ALK: variants seen among roughly 807,000 people sequenced by gnomAD.
ALK encodes the protein ALK tyrosine kinase receptor.
Under a neutral mutation model 163.1 loss-of-function variants are expected in ALK, and 74 were observed. The ratio of observed to expected loss-of-function variants is 0.45; its 90% confidence interval spans 0.38 to 0.55. The LOEUF is 0.55. Among genes scored for constraint, ALK ranks in the 20% least tolerant of loss-of-function variants. ALK has a pLI of 0.00. For missense variants in ALK, 2,063 were observed against 2,105.3 expected (o/e 0.98, Z 0.39); for synonymous variants, 960 against 843.2 (o/e 1.14, Z -2.40).
intron 4 of ALK, among the ~76,000 whole-genome samples, chr2:29,436,142 A>C (rs909350279): frequency 6.6e-6 from 1 of 152,176 alleles, no homozygotes; most frequent in Non-Finnish European, 1.5e-5. Context: ...AAATGAGCTA[A>C]CCAATAAAGG....
At chr2:29,551,930 T>A (rs187927478) in intron 3 of ALK, among the ~76,000 whole-genome samples, 61 of 152,330 alleles carry the variant, frequency 4.0e-4, no homozygotes, top group African/African-American at 1.4e-3. Context: ...ACATTCCCAA[T>A]GTTGTGCAAC....
intron 3 of ALK, among the ~76,000 whole-genome samples, chr2:29,554,947 G>A (rs1290455574): frequency 6.6e-6 from 1 of 152,154 alleles, no homozygotes; most frequent in South Asian, 2.1e-4. Context: ...CAAATGCCAG[G>A]GCAACATCAG....
rs1558626279 is a variant in ALK, at chr2:29,227,105, G to A, written c.2915-31C>T. 13 of 1,613,856 alleles carry A rather than the reference G, an allele frequency of 8.1e-6. No homozygotes were observed. The highest frequency in any genetic ancestry group is 4.4e-5 in the South Asian group (4 of 91,058). On this transcript the variant is annotated intron_variant, in intron 17 of 28. Transcript: ENST00000389048. This position sits in a 1 kb window ranked among gnomAD's most constrained non-coding sequence, Gnocchi z 4.4. ...GACAAGGAGGGAGGGTCAGTCTTGG[G>A]CCGAGCCTGCCTCCCCACTCCCAGC...
At chr2:29,504,047 G>T (rs1204633451) in intron 4 of ALK, among the ~76,000 whole-genome samples, 1 of 152,026 alleles carries the variant, frequency 6.6e-6, no homozygotes, top group African/African-American at 2.4e-5. Context: ...ATTACCAGTT[G>T]TTGGTGGTGC....
intron 9 of ALK, among the ~76,000 whole-genome samples, chr2:29,290,630 C>A (rs1472811238): frequency 6.6e-6 from 1 of 152,198 alleles, no homozygotes; most frequent in East Asian, 1.9e-4. Context: ...TCCTGTTGAT[C>A]CTTACAGCAG....
chr2:29,339,174 C>A (rs556109603), intron 5 of ALK, among the ~76,000 whole-genome samples: 1 of 151,138 alleles, frequency 6.6e-6, no homozygotes, highest in Non-Finnish European at 1.5e-5. Context: ...ACCCAGGAGG[C>A]GGAGGTTGCA....
chr2:29,622,921 G>A (rs1002302904), intron 3 of ALK, among the ~76,000 whole-genome samples: 3 of 152,080 alleles, frequency 2.0e-5, no homozygotes, highest in Non-Finnish European at 4.4e-5. Context: ...TGTTCATTTG[G>A]TTTCCAGTTT....
intron 5 of ALK, among the ~76,000 whole-genome samples, chr2:29,373,090 A>G (rs923697734): frequency 6.6e-6 from 1 of 152,188 alleles, no homozygotes; most frequent in Non-Finnish European, 1.5e-5. Context: ...CATCCGTCTC[A>G]TTAATAACTG....
chr2:29,445,000 T>A (rs1670637658), intron 4 of ALK, among the ~76,000 whole-genome samples: 1 of 152,124 alleles, frequency 6.6e-6, no homozygotes, highest in African/African-American at 2.4e-5. Context: ...CAAGGCCAAG[T>A]TATCAAAGAT....
At chr2:29,196,682 G>C (rs1445495926) in intron 28 of ALK, 88 bp downstream of exon 28, 15 of 956,834 alleles carry the variant, frequency 1.6e-5, no homozygotes, top group Non-Finnish European at 1.9e-5. Context: ...ACTCTGACTG[G>C]CTTGACCTAT....
At chr2:29,271,407 A>T (rs1222566027) in intron 11 of ALK, among the ~76,000 whole-genome samples, 1 of 152,234 alleles carries the variant, frequency 6.6e-6, no homozygotes, top group African/African-American at 2.4e-5. Context: ...GAAAGTGGAC[A>T]GCCTGTCACC....
chr2:29,209,514 C>A (rs1170998017), intron 25 of ALK, among the ~76,000 whole-genome samples: 1 of 146,976 alleles, frequency 6.8e-6, no homozygotes, highest in Non-Finnish European at 1.5e-5. Context: ...GGCACTCCAG[C>A]CTGGGCAACA....
chr2:29,445,215 G>A (rs1159241999), intron 4 of ALK, among the ~76,000 whole-genome samples: 1 of 152,180 alleles, frequency 6.6e-6, no homozygotes, highest in Admixed American at 6.5e-5. Flanking sequence ...GTGGGCCAGT[G>A]ATAGATCACA....
At chr2:29,226,841 T>A in intron 18 of ALK, 81 bp downstream of exon 18, 3 of 1,574,156 alleles carry the variant, frequency 1.9e-6, no homozygotes, top group Non-Finnish European at 2.6e-6. Flanking sequence ...CAGGGTGTTC[T>A]GGAACCCAGA....
chr2:29,338,941 G>T (rs770839748), intron 5 of ALK, among the ~76,000 whole-genome samples: 26 of 152,196 alleles, frequency 1.7e-4, no homozygotes, highest in Non-Finnish European at 2.2e-4. Context: ...TGGGGTGACA[G>T]TGGTGAAGAA....
At chr2:29,892,126 C>T (rs558635552) in intron 1 of ALK, among the ~76,000 whole-genome samples, 219 of 152,268 alleles carry the variant, frequency 1.4e-3, no homozygotes, top group African/African-American at 5.1e-3. Context: ...CTGATGTTGG[C>T]CTTGGCTTCA....
intron 9 of ALK, among the ~76,000 whole-genome samples, chr2:29,282,785 C>T (rs545418659): frequency 6.6e-6 from 1 of 152,268 alleles, no homozygotes; most frequent in South Asian, 2.1e-4. Flanking sequence ...GAGAATCACT[C>T]AGACCCTTCC....
At chr2:29,815,337 T>G (rs983074279) in intron 1 of ALK, among the ~76,000 whole-genome samples, 6 of 152,006 alleles carry the variant, frequency 3.9e-5, no homozygotes, top group African/African-American at 1.5e-4. Flanking sequence ...CCTTCTTAAT[T>G]TACTTAAAAA....
rs1265258234 is a variant in ALK at position 29,383,759 on chromosome 2, A to C, written c.1255T>G (p.Phe419Val). The C allele has an allele frequency of 6.2e-7, 1 of 1,614,186 alleles. No homozygotes were observed. Among genetic ancestry groups the C allele is most frequent in the South Asian group, 1.1e-5 (1 of 91,088 alleles). The change falls in exon 5 of 29, where the codon TTC becomes GTC. Residue 419 changes from phenylalanine (F) to valine (V), a missense_variant. Phe to Val is a conservative substitution (Grantham distance 50, BLOSUM62 -1). Around this residue, in one of 5 missense-constraint regions of ALK, gnomAD observed 987 missense variants for 939.5 expected, o/e 1.05. Transcript: ENST00000389048. Reference protein sequence around the residue: ...SGNRSLSAVDFFALKNCSEGT... With the variant: ...SGNRSLSAVDVFALKNCSEGT... Reference sequence around the variant, plus strand: ...TCACTGCAGTTCTTCAGGGCAAAGAAGTCCACTGCAGACAAGCTGCGGTTT... The same window carrying C: ...TCACTGCAGTTCTTCAGGGCAAAGACGTCCACTGCAGACAAGCTGCGGTTT...
Sources: gnomAD v4.1 joint callset for allele counts (sites outside exome capture counted in the v4.1 genomes callset) on GRCh38, gnomAD v4.1.1 for gene constraint, gnomAD v4.1.1 regional missense constraint, Gnocchi (gnomAD v3.1) non-coding constraint, MANE v1.5 for transcripts, NCBI Gene and HGNC (gene_info 2026-07-23, HGNC 2026-07-21) for gene names.